Variants in CDH13 observed in about 807,000 individuals in gnomAD.
The protein encoded by CDH13 is cadherin-13.
A neutral mutation model predicts 63.8 loss-of-function variants in CDH13; 24 were observed. That is an observed-to-expected ratio of 0.38 (90% CI 0.27 to 0.53). The LOEUF is 0.53. Ranked by LOEUF, CDH13 falls within the 20% of genes least tolerant of loss-of-function variation. The pLI is 0.85. For missense variants in CDH13, 1,049 were observed against 903.1 expected (o/e 1.16, Z -2.07); for synonymous variants, 503 against 355.3 (o/e 1.42, Z -4.67).
chr16:83,761,149 G>A (rs1332126190), intron 11 of CDH13, among the ~76,000 whole-genome samples: 1 of 152,192 alleles, frequency 6.6e-6, no homozygotes, highest in African/African-American at 2.4e-5. Flanking sequence ...TCAGAATGGA[G>A]TGATGTCAAA....
chr16:83,143,926 T>C (rs2036639332), intron 4 of CDH13, among the ~76,000 whole-genome samples: 1 of 152,120 alleles, frequency 6.6e-6, no homozygotes, highest in Admixed American at 6.6e-5. Context: ...TCCTGTGGTC[T>C]AGAATCAACA....
intron 2 of CDH13, among the ~76,000 whole-genome samples, chr16:82,996,864 GTGA>G (rs1359530908): frequency 3.3e-5 from 5 of 151,152 alleles, no homozygotes; most frequent in South Asian, 2.1e-4. Context: ...TACGGTGGTG[GTGA>G]TGATGATTCT....
chr16:83,743,507 G>A (rs17699108), intron 10 of CDH13, among the ~76,000 whole-genome samples: 52,660 of 151,978 alleles, frequency 0.35, 10,234 homozygotes, highest in Middle Eastern at 0.48. Context: ...CAAAATTATG[G>A]CATCATGGGA....
intron 4 of CDH13, among the ~76,000 whole-genome samples, chr16:83,127,944 T>C (rs1352873575): frequency 6.6e-6 from 1 of 152,196 alleles, no homozygotes; most frequent in African/African-American, 2.4e-5. Flanking sequence ...CCCTAGCCAC[T>C]GTGATGATCC....
At chr16:83,140,002 A>G (rs2036460622) in intron 4 of CDH13, among the ~76,000 whole-genome samples, 1 of 152,092 alleles carries the variant, frequency 6.6e-6, no homozygotes, top group African/African-American at 2.4e-5. Flanking sequence ...AACTCCATCT[A>G]TAAATAAATA....
chr16:83,553,940 A>C (rs1215871192), intron 7 of CDH13, among the ~76,000 whole-genome samples: 2 of 152,172 alleles, frequency 1.3e-5, no homozygotes, highest in African/African-American at 4.8e-5. Context: ...TATTGTAGAT[A>C]ATTTTGTGTC....
chr16:83,108,351 G>T (rs2034886681), intron 3 of CDH13, among the ~76,000 whole-genome samples: 1 of 152,144 alleles, frequency 6.6e-6, no homozygotes, highest in Non-Finnish European at 1.5e-5. Context: ...CTAAAACTGA[G>T]TTCTTGTCAA....
At chr16:83,331,809 A>G (rs369859876) in intron 5 of CDH13, among the ~76,000 whole-genome samples, 8 of 152,296 alleles carry the variant, frequency 5.3e-5, no homozygotes, top group African/African-American at 1.4e-4. Flanking sequence ...TCTGCAATGC[A>G]GTGTTGTACT....
intron 6 of CDH13, among the ~76,000 whole-genome samples, chr16:83,436,119 G>C (rs2072293498): frequency 6.6e-6 from 1 of 152,174 alleles, no homozygotes; most frequent in South Asian, 2.1e-4. Context: ...AGAATGATTT[G>C]GTTCCAAATG....
At chr16:83,132,199 G>A (rs542004020) in intron 4 of CDH13, among the ~76,000 whole-genome samples, 9 of 152,170 alleles carry the variant, frequency 5.9e-5, no homozygotes, top group African/African-American at 1.9e-4. Flanking sequence ...CAGAAAGCTG[G>A]TACTGAAGCC....
At chr16:82,773,011 C>A (rs954531237) in intron 1 of CDH13, among the ~76,000 whole-genome samples, 1 of 152,104 alleles carries the variant, frequency 6.6e-6, no homozygotes, top group African/African-American at 2.4e-5. Flanking sequence ...CGCACGAGAG[C>A]CCAGAATCAG....
intron 5 of CDH13, among the ~76,000 whole-genome samples, chr16:83,269,044 G>C (rs1389795575): frequency 6.6e-6 from 1 of 152,196 alleles, no homozygotes; most frequent in East Asian, 1.9e-4. Flanking sequence ...CATCTGTAAA[G>C]ACGCTTTTAC....
At chr16:83,553,046 C>A (rs546410292) in intron 7 of CDH13, among the ~76,000 whole-genome samples, 33 of 150,940 alleles carry the variant, frequency 2.2e-4, no homozygotes, top group African/African-American at 8.1e-4. Context: ...GTCACTGCAC[C>A]GTAGCCTGGG....
intron 7 of CDH13, among the ~76,000 whole-genome samples, chr16:83,561,733 C>A (rs114041450): frequency 1.3e-3 from 196 of 152,254 alleles, no homozygotes; most frequent in African/African-American, 4.4e-3. Context: ...ACCTGAATTT[C>A]TTATTGTTCA....
At chr16:82,819,284 A>G (rs2037880751) in intron 1 of CDH13, among the ~76,000 whole-genome samples, 1 of 152,224 alleles carries the variant, frequency 6.6e-6, no homozygotes, top group Admixed American at 6.5e-5. Context: ...ATTTCAAGTA[A>G]CTTTCCAGAT....
At chr16:83,335,383 G>T (rs924393603) in intron 5 of CDH13, among the ~76,000 whole-genome samples, 2 of 109,024 alleles carry the variant, frequency 1.8e-5, no homozygotes, top group African/African-American at 7.2e-5. Flanking sequence ...TCAAGGTTTT[G>T]TGTGAGTCAA....
At chr16:83,236,144 A>G (rs1462343553) in intron 5 of CDH13, among the ~76,000 whole-genome samples, 5 of 152,092 alleles carry the variant, frequency 3.3e-5, no homozygotes, top group African/African-American at 1.2e-4. Flanking sequence ...GTGGACCTGA[A>G]AAGGATTTAG....
At chr16:82,783,589 C>T (rs1361191846) in intron 1 of CDH13, among the ~76,000 whole-genome samples, 2 of 152,354 alleles carry the variant, frequency 1.3e-5, no homozygotes, top group Middle Eastern at 3.4e-3. Flanking sequence ...TGCAGTGATT[C>T]TTTTCCTCCC....
chr16:83,040,761 T>G (rs1414025502), intron 3 of CDH13, among the ~76,000 whole-genome samples: 1 of 152,194 alleles, frequency 6.6e-6, no homozygotes, highest in Non-Finnish European at 1.5e-5. Context: ...CAATCAATAT[T>G]AGCCATCACA....
Sources: gnomAD v4.1 joint callset for allele counts (sites outside exome capture counted in the v4.1 genomes callset) on GRCh38, gnomAD v4.1.1 for gene constraint, MANE v1.5 for transcripts, NCBI Gene and HGNC (gene_info 2026-07-23, HGNC 2026-07-21) for gene names.